The following PRMT2 variants were observed in gnomAD, a reference collection of about 807,000 sequenced individuals.
The protein encoded by PRMT2 is protein arginine N-methyltransferase 2.
Under a neutral mutation model 57.6 loss-of-function variants are expected in PRMT2, and 26 were observed. That is an observed-to-expected ratio of 0.45 (90% confidence interval 0.33 to 0.63). The LOEUF (loss-of-function observed/expected upper bound fraction) is 0.63, where lower values mean the gene tolerates loss of function less well. Among genes scored for constraint, PRMT2 ranks in the 20% least tolerant of loss-of-function variants. The probability of loss-of-function intolerance (pLI) is 0.02; values close to 1 mark genes in which losing one functional copy is unlikely to be tolerated. For synonymous variants in PRMT2, 219 were observed against 220.0 expected, an observed-to-expected ratio of 1.00 and a Z score of 0.04; for missense variants, 472 against 564.4, an observed-to-expected ratio of 0.84 and a Z score of 1.66.
At chr21:46,659,393 C>G in intron 8 of PRMT2, 1 of 986,028 alleles carries the variant, frequency 1.0e-6, no homozygotes, top group Non-Finnish European at 1.2e-6. Flanking sequence ...TGGCAGAAAT[C>G]AGCAAAAACA....
Position 46,658,827 on chromosome 21 carries a change from C to T in PRMT2, c.737C>T (p.Ala246Val), listed in dbSNP as rs765594606. 1.4e-5 allele frequency: 23 copies of T among 1,614,110 alleles called. No individual in the cohort carries two copies. Among genetic ancestry groups the T allele is most frequent in the Middle Eastern group, 3.3e-4 (2 of 6,084 alleles). ...EDGVIWPTMA[A>V]LHLVPCSADK... ...GGGGTCATTTGGCCCACCATGGCTGCGTTGCACCTTGTGCCCTGCAGTGCT... is the reference window on the plus strand; with the variant it reads ...GGGGTCATTTGGCCCACCATGGCTGTGTTGCACCTTGTGCCCTGCAGTGCT... Residue 246 changes from alanine to valine, a missense_variant, in exon 8 of 12, where the codon GCG becomes GTG. Physicochemically the swap from Ala to Val is moderately conservative, Grantham distance 64. This residue lies in a region of PRMT2 where 243 missense variants were observed against 347.2 expected (regional missense o/e 0.70). Transcript: ENST00000355680.
chr21:46,660,784 T>G, intron 8 of PRMT2, 49 bp from the exon 9 acceptor site: 1 of 1,606,446 alleles, frequency 6.2e-7, no homozygotes, highest in Non-Finnish European at 8.5e-7. Context: ...TTTTGAAGCC[T>G]AAGATGTTTG....
intron 7 of PRMT2, among the ~76,000 whole-genome samples, chr21:46,656,183 G>T (rs1485714213): frequency 2.0e-5 from 3 of 152,150 alleles, no homozygotes; most frequent in Non-Finnish European, 4.4e-5. Context: ...ACGCCCACTT[G>T]CCTCTGCTCC....
chr21:46,648,752 C>G lies in PRMT2; in HGVS notation c.489+133C>G. 8.5e-7 allele frequency: 1 copy of G among 1,173,580 alleles called. No homozygotes were observed. Among genetic ancestry groups the G allele is most frequent in the Non-Finnish European group, 1.2e-6 (1 of 831,296 alleles). The allele number at this position is 1,173,580 out of a possible 1,614,324, so 72.7% of individuals were successfully genotyped here. ...GGTGACTCCATGGTCTTGTTGAGCACCCTGCACGTGGGGCTCAGGGTCGGT... is the reference window on the plus strand; with the variant it reads ...GGTGACTCCATGGTCTTGTTGAGCAGCCTGCACGTGGGGCTCAGGGTCGGT... On this transcript the variant is annotated intron_variant, in intron 6 of 11. Coordinates refer to ENST00000355680, the MANE Select transcript of PRMT2 (RefSeq NM_206962.4). This position sits in a 1 kb window ranked among gnomAD's most constrained non-coding sequence, Gnocchi z 4.8.
intron 7 of PRMT2, chr21:46,656,964 A>T (rs990373796): frequency 6.6e-6 from 1 of 152,244 alleles, no homozygotes; most frequent in East Asian, 1.9e-4. Context: ...AAAACTCAAC[A>T]GGAAGAAAAC....
chr21:46,660,714 A>C, intron 8 of PRMT2, 119 bp from the exon 9 acceptor site: 1 of 1,313,252 alleles, frequency 7.6e-7, no homozygotes, highest in South Asian at 1.4e-5. Flanking sequence ...GGCCCCAGAT[A>C]GTGGCTTAGC....
chr21:46,658,656 C>T, intron 7 of PRMT2, 89 bp from the exon 8 acceptor site: 1 of 1,556,882 alleles, frequency 6.4e-7, no homozygotes, highest in Non-Finnish European at 8.7e-7. Context: ...GTAGAACTGT[C>T]AGACTAGTGT....
intron 8 of PRMT2, 102 bp downstream of exon 8, chr21:46,659,022 A>G: frequency 6.8e-7 from 1 of 1,475,618 alleles, no homozygotes; most frequent in South Asian, 1.4e-5. Context: ...ACGGTTGGAT[A>G]AATGAGGGTA....
rs374113395 is a variant in PRMT2, at chr21:46,663,780, C to A, written c.1269+226C>A. Among the ~76,000 whole-genome samples, 5 of 152,158 alleles carry A rather than the reference C, an allele frequency of 3.3e-5. No individual in the cohort carries two copies. The South Asian group carries it at 6.2e-4, about 19-fold the overall frequency. Reference sequence around the variant, plus strand: ...GGAAGGGAAGTCAGGGAAGTCATTCCCTCAGGTGACACGGTAAGTGAGGGA... The same window carrying A: ...GGAAGGGAAGTCAGGGAAGTCATTCACTCAGGTGACACGGTAAGTGAGGGA... On this transcript the variant is annotated intron_variant, in intron 11 of 11. Coordinates refer to ENST00000355680, the MANE Select transcript of PRMT2 (RefSeq NM_206962.4).
intron 3 of PRMT2, 118 bp downstream of exon 3, chr21:46,637,108 G>A (rs2061186447): frequency 1.0e-6 from 1 of 989,062 alleles, no homozygotes; most frequent in Admixed American, 2.4e-5. Flanking sequence ...GGTGGCCACC[G>A]GCAGTAGAAT....
intron 3 of PRMT2, 43 bp from the exon 4 acceptor site, chr21:46,643,492 A>AG: frequency 2.1e-6 from 3 of 1,419,062 alleles, no homozygotes; most frequent in Non-Finnish European, 1.8e-6. Flanking sequence ...AAAAAAAAAA[A>AG]GCTCCAGCGT....
rs781480945 is a variant in PRMT2 at position 46,664,522 on chromosome 21, C to T, written c.*195C>T. ...CACGCTTGGGCTCGGCAGGAGCTGC[C>T]GTGGCCACCCCCGCTGCCCAGTGTC... On this transcript the variant is annotated 3_prime_UTR_variant, in exon 12 of 12. Coordinates refer to ENST00000355680, the MANE Select transcript of PRMT2 (RefSeq NM_206962.4). 48 of 671,974 alleles carry T rather than the reference C, an allele frequency of 7.1e-5. No individual in the cohort carries two copies. Among genetic ancestry groups the T allele is most frequent in the Middle Eastern group, 6.8e-4 (2 of 2,946 alleles). 41.6% of individuals were successfully genotyped at this position (671,974 alleles called of 1,614,324 possible).
At chr21:46,654,356 A>T (rs573238929) in intron 7 of PRMT2, among the ~76,000 whole-genome samples, 1 of 152,336 alleles carries the variant, frequency 6.6e-6, no homozygotes, top group East Asian at 1.9e-4. Flanking sequence ...GTACAGTATG[A>T]TTCCAATTTT....
chr21:46,661,158 C>G (rs772140635), intron 9 of PRMT2, 196 bp downstream of exon 9: 21 of 509,754 alleles, frequency 4.1e-5, no homozygotes, highest in Non-Finnish European at 6.5e-5. Flanking sequence ...TTTTTACGTT[C>G]TATTTTGATT....
chr21:46,642,479 C>CTT (rs2061293251), intron 3 of PRMT2, among the ~76,000 whole-genome samples: 1 of 152,194 alleles, frequency 6.6e-6, no homozygotes, highest in African/African-American at 2.4e-5. Flanking sequence ...TTTTAAAAGT[C>CTT]TGAAAGTATA....
rs2061397870 is a variant in PRMT2 at position 46,648,476 on chromosome 21, T to C, written c.346T>C (p.Leu116=). The C allele has an allele frequency of 6.2e-7, 1 of 1,614,048 alleles. No individual in the cohort carries two copies. The highest frequency in any genetic ancestry group is 1.3e-5 in the African/African-American group (1 of 74,944). The change falls in exon 6 of 12, where the codon TTG becomes CTG. Residue 116 remains leucine (L), a synonymous_variant. Coordinates refer to ENST00000355680, the MANE Select transcript of PRMT2 (RefSeq NM_206962.4). This position sits in a 1 kb window ranked among gnomAD's most constrained non-coding sequence, Gnocchi z 4.8. ...YGTLKLHLEM[L]ADQPRTTKYH... is the part of the protein sequence containing the mutation. ...CTTCCAGAAACTCCACTTGGAGATG[T>C]TGGCAGACCAGCCACGAACAACTAA...
intron 7 of PRMT2, among the ~76,000 whole-genome samples, chr21:46,650,574 C>T (rs1051234764): frequency 7.9e-5 from 12 of 152,224 alleles, no homozygotes; most frequent in African/African-American, 2.4e-4. Context: ...AGATGACACA[C>T]AGGAGAAACG....
intron 7 of PRMT2, chr21:46,652,935 C>T (rs1209289749): frequency 7.7e-7 from 1 of 1,298,832 alleles, no homozygotes; most frequent in Admixed American, 2.4e-5. Context: ...TAGCCAGTGG[C>T]ACTGCAGGTG....
intron 7 of PRMT2, chr21:46,652,902 T>C: frequency 7.7e-7 from 1 of 1,303,140 alleles, no homozygotes; most frequent in Non-Finnish European, 1.0e-6. Context: ...GAGAAGCAGG[T>C]TGCACACTCA....
Sources: gnomAD v4.1 joint callset for allele counts (sites outside exome capture counted in the v4.1 genomes callset) on GRCh38, gnomAD v4.1.1 for gene constraint, gnomAD v4.1.1 regional missense constraint, Gnocchi (gnomAD v3.1) non-coding constraint, MANE v1.5 for transcripts, NCBI Gene and HGNC (gene_info 2026-07-23, HGNC 2026-07-21) for gene names.